Variants in MACROD1 observed in about 807,000 individuals in gnomAD.
MACROD1 encodes mono-ADP ribosylhydrolase 1, also known as ADP-ribose glycohydrolase MACROD1.
A neutral mutation model predicts 41.4 loss-of-function variants in MACROD1; 31 were observed. That is an observed-to-expected ratio of 0.75 (90% CI 0.56 to 1.01). MACROD1 has a LOEUF of 1.01. MACROD1 is among the 50% of genes least tolerant of loss of function. The pLI is 0.00. For missense variants in MACROD1, 473 were observed against 460.0 expected (o/e 1.03, Z -0.26); for synonymous variants, 252 against 203.4 (o/e 1.24, Z -2.03).
chr11:64,005,754 G>A lies in MACROD1; in HGVS notation c.548-5411C>T, dbSNP rs533826078. 2.0e-5 allele frequency among the ~76,000 whole-genome samples: 3 copies of A among 152,358 alleles called. No individual in the cohort carries two copies. In the South Asian group the frequency reaches 6.2e-4, roughly 32 times the overall value. ...CCTTTGCCCTGTCATGCTTTTGGGGGCCTTGTACCCCAGGGACTGGCTGCA... is the reference window on the plus strand; with the variant it reads ...CCTTTGCCCTGTCATGCTTTTGGGGACCTTGTACCCCAGGGACTGGCTGCA... On this transcript the variant is annotated intron_variant, in intron 4 of 10. Coordinates refer to ENST00000255681, the MANE Select transcript of MACROD1 (RefSeq NM_014067.4).
At chr11:64,130,535 C>CCCAAGT (rs1945250531) in intron 3 of MACROD1, among the ~76,000 whole-genome samples, 1 of 152,190 alleles carries the variant, frequency 6.6e-6, no homozygotes, top group Admixed American at 6.5e-5. Context: ...CACCCCCACA[C>CCCAAGT]CCAAGTTCTG....
intron 3 of MACROD1, among the ~76,000 whole-genome samples, chr11:64,042,890 A>G (rs559692552): frequency 2.6e-4 from 40 of 152,288 alleles, no homozygotes; most frequent in African/African-American, 8.4e-4. Context: ...CTGGCTTGAC[A>G]AGCTCTGCCT....
intron 3 of MACROD1, chr11:64,118,521 C>A: frequency 2.1e-6 from 1 of 474,160 alleles, no homozygotes; most frequent in Non-Finnish European, 3.8e-6. Context: ...TTGTTGAAGA[C>A]ATAATTTATA....
intron 3 of MACROD1, among the ~76,000 whole-genome samples, chr11:64,145,855 C>T (rs1013850783): frequency 2.0e-5 from 3 of 152,184 alleles, no homozygotes; most frequent in Non-Finnish European, 4.4e-5. Flanking sequence ...CCGCAACCTC[C>T]ACCTCCCAGG....
chr11:64,039,090 T>A (rs566513766), intron 3 of MACROD1, among the ~76,000 whole-genome samples: 1 of 152,136 alleles, frequency 6.6e-6, no homozygotes, highest in Non-Finnish European at 1.5e-5. Context: ...CCTCATCCCC[T>A]GCAGGCAGGG....
chr11:64,162,205 G>C (rs1364856858), intron 1 of MACROD1, among the ~76,000 whole-genome samples: 1 of 152,134 alleles, frequency 6.6e-6, no homozygotes, highest in East Asian at 1.9e-4. Flanking sequence ...TTAGCTAGGC[G>C]TGGTGGCGTA....
chr11:64,041,642 G>C (rs2134388745), intron 3 of MACROD1, among the ~76,000 whole-genome samples: 1 of 152,304 alleles, frequency 6.6e-6, no homozygotes, highest in East Asian at 1.9e-4. Flanking sequence ...TCGGGAGCTG[G>C]TGTGGTGGCA....
chr11:64,026,777 T>C (rs1943229233), intron 3 of MACROD1, among the ~76,000 whole-genome samples: 1 of 152,116 alleles, frequency 6.6e-6, no homozygotes, highest in Non-Finnish European at 1.5e-5. Context: ...CCCCAGGGCC[T>C]TTGCACATAC....
At chr11:64,068,752 G>GC (rs1944051629) in intron 3 of MACROD1, among the ~76,000 whole-genome samples, 2 of 152,236 alleles carry the variant, frequency 1.3e-5, no homozygotes, top group Non-Finnish European at 2.9e-5. Flanking sequence ...TAGCCTGGGA[G>GC]CCCAGATAAT....
chr11:64,000,704 G>A (rs1169107905), intron 4 of MACROD1, among the ~76,000 whole-genome samples: 1 of 23,478 alleles, frequency 4.3e-5, no homozygotes. Context: ...GGGTGACGGG[G>A]AAGCTTCCTC....
intron 3 of MACROD1, among the ~76,000 whole-genome samples, chr11:64,025,739 A>G (rs1170760813): frequency 7.2e-6 from 1 of 138,554 alleles, no homozygotes; most frequent in African/African-American, 2.7e-5. Flanking sequence ...TTTTTTTCAG[A>G]CGGTCTCGCT....
At chr11:64,034,718 G>T (rs907405881) in intron 3 of MACROD1, among the ~76,000 whole-genome samples, 2 of 152,206 alleles carry the variant, frequency 1.3e-5, no homozygotes, top group East Asian at 1.9e-4. Context: ...CCCAGGCCTC[G>T]ATGGACAGCA....
intron 3 of MACROD1, among the ~76,000 whole-genome samples, chr11:64,049,446 G>A (rs980156370): frequency 3.3e-5 from 5 of 152,144 alleles, no homozygotes; most frequent in African/African-American, 7.2e-5. Context: ...AGCATTACCC[G>A]CATGACTCGC....
intron 3 of MACROD1, chr11:64,149,164 G>T: frequency 3.4e-6 from 1 of 296,472 alleles, no homozygotes; most frequent in Non-Finnish European, 5.0e-6. Context: ...CAGGGGTGAT[G>T]CCCAGAACGG....
chr11:63,999,798 C>G (rs202065074), intron 5 of MACROD1, 35 bp from the exon 6 acceptor site: 39,825 of 1,586,200 alleles, frequency 0.025, 576 homozygotes, highest in Non-Finnish European at 0.031. Context: ...CGGCGGGGGT[C>G]TACGCGGTCC....
At position 63,998,635 on chromosome 11, in the gene MACROD1, G is replaced by T; in HGVS notation, c.*83C>A. The T allele has an allele frequency of 7.6e-7, 1 of 1,309,464 alleles. No individual in the cohort carries two copies. The highest frequency in any genetic ancestry group is 9.7e-7 in the Non-Finnish European group (1 of 1,032,396). The allele number at this position is 1,309,464 out of a possible 1,614,324, so 81.1% of individuals were successfully genotyped here. A position where few individuals can be genotyped will look rare whatever the true frequency, so the allele number is the denominator to read the frequency against. On this transcript the variant is annotated 3_prime_UTR_variant, in exon 11 of 11. Coordinates refer to ENST00000255681, the MANE Select transcript of MACROD1 (RefSeq NM_014067.4). ...GAAGGGGTGGCCAGGCCCAGGCCAG[G>T]CTGCAGGCTTTGGCGACCTCTCAGA...
At chr11:64,088,805 C>G (rs1944439733) in intron 3 of MACROD1, among the ~76,000 whole-genome samples, 1 of 152,132 alleles carries the variant, frequency 6.6e-6, no homozygotes, top group Non-Finnish European at 1.5e-5. Context: ...ACATGATGGG[C>G]TCTTGGTGGG....
intron 3 of MACROD1, among the ~76,000 whole-genome samples, chr11:64,137,678 G>A (rs941030080): frequency 7.9e-5 from 12 of 152,140 alleles, no homozygotes; most frequent in Non-Finnish European, 1.8e-4. Context: ...GATATGAGCC[G>A]TAGTTCCTCG....
At chr11:64,157,898 C>A (rs571009740) in intron 1 of MACROD1, among the ~76,000 whole-genome samples, 1 of 152,092 alleles carries the variant, frequency 6.6e-6, no homozygotes, top group South Asian at 2.1e-4. Context: ...CTCACCGGCC[C>A]GCAAGAACAG....
Sources: allele counts gnomAD v4.1 joint callset (sites outside exome capture counted in the v4.1 genomes callset), GRCh38; gene constraint gnomAD v4.1.1; transcripts MANE v1.5; gene names NCBI Gene and HGNC (gene_info 2026-07-23, HGNC 2026-07-21).